PPP6R3: variants seen among roughly 807,000 people sequenced by gnomAD.
PPP6R3 encodes the protein serine/threonine-protein phosphatase 6 regulatory subunit 3.
In PPP6R3, 38 loss-of-function variants were observed where a neutral mutation model predicts 110.7. The ratio of observed to expected loss-of-function variants is 0.34; its 90% CI spans 0.26 to 0.45. The LOEUF (loss-of-function observed/expected upper bound fraction) is 0.45, where lower values mean the gene tolerates loss of function less well. Among genes scored for constraint, PPP6R3 ranks in the 20% least tolerant of loss-of-function variants. PPP6R3 has a pLI of 1.00. For missense variants in PPP6R3, 870 were observed against 1,062.4 expected (o/e 0.82, Z 2.52); for synonymous variants, 369 against 373.5 (o/e 0.99, Z 0.14).
chr11:68,532,789 G>A (rs568209180), intron 2 of PPP6R3, among the ~76,000 whole-genome samples: 7 of 152,302 alleles, frequency 4.6e-5, no homozygotes, highest in East Asian at 1.9e-4. Context: ...TCACTACTGC[G>A]TCTGTATTTC....
chr11:68,547,990 C>A, intron 4 of PPP6R3, 77 bp from the exon 5 acceptor site: 2 of 1,405,608 alleles, frequency 1.4e-6, no homozygotes, highest in East Asian at 2.5e-5. Context: ...TTGGAGGAGT[C>A]GGGGTTGGGA....
chr11:68,561,062 A>G (rs956715807), intron 8 of PPP6R3, among the ~76,000 whole-genome samples: 1 of 151,798 alleles, frequency 6.6e-6, no homozygotes, highest in Non-Finnish European at 1.5e-5. Flanking sequence ...ACGCCCAGCT[A>G]ACTTTTTTTG....
chr11:68,525,232 TA>T (rs1455314739), intron 2 of PPP6R3, among the ~76,000 whole-genome samples: 17 of 152,350 alleles, frequency 1.1e-4, no homozygotes, highest in African/African-American at 4.1e-4. Flanking sequence ...ATCTTGTATC[TA>T]AAAGCATGAA....
In PPP6R3 at chr11:68,582,652, T is replaced by C. The variant is rs116989514; in HGVS notation, c.1546-391T>C. Among the ~76,000 whole-genome samples the C allele has an allele frequency of 4.8e-3, 735 of 152,394 alleles. 15 individuals carry two copies. In the East Asian group the frequency reaches 0.06, roughly 12 times the overall value. On this transcript the variant is annotated intron_variant, in intron 14 of 23. Transcript: ENST00000393800. ...CACTGGTAATCCCTGGGGATTGCAGTTGGACCCTGCAGGCCCCGTACATAG... is the reference window on the plus strand; with the variant it reads ...CACTGGTAATCCCTGGGGATTGCAGCTGGACCCTGCAGGCCCCGTACATAG...
At chr11:68,550,337 C>T (rs766854016) in intron 5 of PPP6R3, among the ~76,000 whole-genome samples, 11 of 152,124 alleles carry the variant, frequency 7.2e-5, no homozygotes, top group Non-Finnish European at 1.6e-4. Context: ...TTTCTGCCCC[C>T]GCTGCCCGCC....
At chr11:68,523,202 A>T (rs961805339) in intron 2 of PPP6R3, among the ~76,000 whole-genome samples, 8 of 152,202 alleles carry the variant, frequency 5.3e-5, no homozygotes, top group Non-Finnish European at 1.2e-4. Context: ...GTGTGGTCAG[A>T]TACATCTGGC....
intron 1 of PPP6R3, among the ~76,000 whole-genome samples, chr11:68,481,052 T>C (rs1488160989): frequency 6.6e-6 from 1 of 152,144 alleles, no homozygotes; most frequent in Admixed American, 6.5e-5. Context: ...TGGATCAAAA[T>C]AGATTATGAG....
At chr11:68,532,678 A>G (rs1056276175) in intron 2 of PPP6R3, among the ~76,000 whole-genome samples, 1 of 152,194 alleles carries the variant, frequency 6.6e-6, no homozygotes, top group African/African-American at 2.4e-5. Context: ...ACTGATATGA[A>G]TGATTAGTTT....
chr11:68,566,352 TCTTC>T (rs1162214714), intron 9 of PPP6R3, among the ~76,000 whole-genome samples: 2 of 151,822 alleles, frequency 1.3e-5, no homozygotes, highest in Non-Finnish European at 2.9e-5. Context: ...CCTCCTTTTT[TCTTC>T]CTTCTTCCTT....
At chr11:68,562,138 A>G (rs1475421597) in intron 8 of PPP6R3, among the ~76,000 whole-genome samples, 3 of 152,172 alleles carry the variant, frequency 2.0e-5, no homozygotes, top group Non-Finnish European at 2.9e-5. Flanking sequence ...AGTTAATTGC[A>G]TTTCTATGTA....
chr11:68,463,083 T>A (rs2153220034), intron 1 of PPP6R3, among the ~76,000 whole-genome samples: 1 of 152,248 alleles, frequency 6.6e-6, no homozygotes, highest in Non-Finnish European at 1.5e-5. Flanking sequence ...CTTTTTAAGA[T>A]AAAGCTTTGG....
At chr11:68,536,188 T>A (rs968553277) in intron 2 of PPP6R3, among the ~76,000 whole-genome samples, 2 of 151,390 alleles carry the variant, frequency 1.3e-5, no homozygotes, top group African/African-American at 4.9e-5. Flanking sequence ...TAAAAAACAT[T>A]TTTTTTTTGA....
Position 68,496,547 on chromosome 11 carries a change from G to A in PPP6R3, c.-157-22954G>A, listed in dbSNP as rs543547103. Among the ~76,000 whole-genome samples the A allele has an allele frequency of 1.8e-4, 27 of 151,278 alleles. 1 individual carries two copies. The highest frequency in any genetic ancestry group is 1.5e-3 in the Admixed American group (22 of 15,166). On this transcript the variant is annotated intron_variant, in intron 1 of 23. Transcript: ENST00000393800. ...GAGTGCAGTAGTGCAATCTCAGCTC[G>A]CTGCAACCTCTGCCACCTGGGTTCA...
intron 3 of PPP6R3, 95 bp downstream of exon 3, chr11:68,537,986 G>C: frequency 1.1e-6 from 1 of 937,422 alleles, no homozygotes; most frequent in Non-Finnish European, 1.6e-6. Flanking sequence ...TGTGACTGTT[G>C]CCATTTACAG....
intron 2 of PPP6R3, among the ~76,000 whole-genome samples, chr11:68,523,858 A>C (rs1015877481): frequency 6.6e-6 from 1 of 151,788 alleles, no homozygotes; most frequent in Non-Finnish European, 1.5e-5. Flanking sequence ...TCTTGGCTGT[A>C]GTTTCCTTTT....
chr11:68,524,497 C>T (rs1229368728), intron 2 of PPP6R3, among the ~76,000 whole-genome samples: 1 of 152,160 alleles, frequency 6.6e-6, no homozygotes, highest in East Asian at 1.9e-4. Context: ...CATTATTTAT[C>T]TGTTACTATA....
intron 13 of PPP6R3, 84 bp from the exon 14 acceptor site, chr11:68,575,874 C>A: frequency 4.0e-6 from 4 of 993,858 alleles, no homozygotes; most frequent in East Asian, 5.1e-5. Flanking sequence ...TGAGTAGGCC[C>A]ACTTTTATAT....
intron 19 of PPP6R3, among the ~76,000 whole-genome samples, chr11:68,597,658 G>A (rs1304043543): frequency 2.0e-5 from 3 of 151,920 alleles, no homozygotes; most frequent in Non-Finnish European, 2.9e-5. Flanking sequence ...TGTAGGGTTT[G>A]TTGTTGTTGT....
chr11:68,514,373 G>A (rs1043245704), intron 1 of PPP6R3, among the ~76,000 whole-genome samples: 3 of 151,568 alleles, frequency 2.0e-5, no homozygotes, highest in Non-Finnish European at 2.9e-5. Context: ...GCTGTTATAT[G>A]CATTTATGCA....
Sources: allele counts gnomAD v4.1 joint callset (sites outside exome capture counted in the v4.1 genomes callset), GRCh38; gene constraint gnomAD v4.1.1; transcripts MANE v1.5; gene names NCBI Gene and HGNC (gene_info 2026-07-23, HGNC 2026-07-21).